The following ANKS1B variants were observed in gnomAD, a reference collection of about 807,000 sequenced individuals.
ANKS1B encodes the protein ankyrin repeat and sterile alpha motif domain containing 1B.
A neutral mutation model predicts 148.3 loss-of-function variants in ANKS1B; 36 were observed. That is an observed-to-expected ratio of 0.24 (90% CI 0.19 to 0.32). The LOEUF (loss-of-function observed/expected upper bound fraction) is 0.32. Ranked by LOEUF, ANKS1B falls within the 10% of genes least tolerant of loss-of-function variation. The probability of loss-of-function intolerance (pLI) is 1.00; values close to 1 mark genes in which losing one functional copy is unlikely to be tolerated. For synonymous variants in ANKS1B, 542 were observed against 560.8 expected (o/e 0.97, Z 0.47); for missense variants, 1,157 against 1,542.6 (o/e 0.75, Z 4.19).
chr12:99,864,119 C>T (rs1404174107), intron 1 of ANKS1B, among the ~76,000 whole-genome samples: 2 of 149,670 alleles, frequency 1.3e-5, no homozygotes, highest in Admixed American at 6.7e-5. Context: ...CCCTCTTTTC[C>T]AATTTTGTTA....
chr12:99,911,379 G>A (rs1282642099), intron 1 of ANKS1B, among the ~76,000 whole-genome samples: 1 of 152,110 alleles, frequency 6.6e-6, no homozygotes, highest in African/African-American at 2.4e-5. Flanking sequence ...TACAAACATG[G>A]AAATTGGAAT....
chr12:99,263,555 GA>G (rs2153983825), intron 12 of ANKS1B, among the ~76,000 whole-genome samples: 1 of 152,192 alleles, frequency 6.6e-6, no homozygotes, highest in Admixed American at 6.5e-5. Flanking sequence ...TTACTTCAAA[GA>G]GATAGGTTGT....
At chr12:99,193,793 C>CTTTTTTTTTTTTTTTTT (rs34024548) in intron 14 of ANKS1B, among the ~76,000 whole-genome samples, 5 of 66,840 alleles carry the variant, frequency 7.5e-5, no homozygotes, top group Middle Eastern at 0.017. Flanking sequence ...ATTTCTAGTT[C>CTTTTTTTTTTTTTTTTT]TTTTTTTTTT....
chr12:98,813,251 A>C (rs2099112204), intron 19 of ANKS1B, among the ~76,000 whole-genome samples: 1 of 149,916 alleles, frequency 6.7e-6, no homozygotes, highest in Non-Finnish European at 1.5e-5. Flanking sequence ...TCATTCTGTC[A>C]CCCAGGCTGG....
intron 9 of ANKS1B, among the ~76,000 whole-genome samples, chr12:99,512,689 G>A (rs2096778493): frequency 6.6e-6 from 1 of 152,036 alleles, no homozygotes; most frequent in African/African-American, 2.4e-5. Flanking sequence ...AAGAAAATGT[G>A]GTACATATAC....
chr12:99,001,527 G>A (rs1307086213), intron 17 of ANKS1B, among the ~76,000 whole-genome samples: 3 of 152,030 alleles, frequency 2.0e-5, no homozygotes, highest in South Asian at 4.2e-4. Flanking sequence ...CAGCTTTTTT[G>A]AGGTATAATT....
chr12:99,301,316 G>A (rs1401600730), intron 12 of ANKS1B, among the ~76,000 whole-genome samples: 1 of 152,054 alleles, frequency 6.6e-6, no homozygotes, highest in Non-Finnish European at 1.5e-5. Context: ...AGCTCTCTGG[G>A]ATCTCTTGGC....
At chr12:99,120,801 C>T (rs906371430) in intron 15 of ANKS1B, among the ~76,000 whole-genome samples, 5 of 151,924 alleles carry the variant, frequency 3.3e-5, no homozygotes, top group Non-Finnish European at 5.9e-5. Flanking sequence ...GGGGCATCCA[C>T]GTGGAAAAAC....
intron 17 of ANKS1B, among the ~76,000 whole-genome samples, chr12:99,004,369 C>G (rs778212095): frequency 1.3e-5 from 2 of 152,122 alleles, no homozygotes; most frequent in Non-Finnish European, 2.9e-5. Flanking sequence ...ATATCGTCCT[C>G]ATAGGGTTGT....
intron 12 of ANKS1B, chr12:99,344,745 T>A (rs937233068): frequency 1.3e-5 from 2 of 152,026 alleles, no homozygotes; most frequent in African/African-American, 4.8e-5. Flanking sequence ...ATCAGTCACA[T>A]TTTTTGTATT....
chr12:99,426,921 C>T (rs1039740489), intron 11 of ANKS1B, among the ~76,000 whole-genome samples: 1 of 152,118 alleles, frequency 6.6e-6, no homozygotes, highest in African/African-American at 2.4e-5. Flanking sequence ...TAAATGGCAT[C>T]GTGATTTTTC....
At chr12:99,334,809 G>A (rs185263013) in intron 12 of ANKS1B, among the ~76,000 whole-genome samples, 30 of 152,172 alleles carry the variant, frequency 2.0e-4, no homozygotes, top group Admixed American at 3.3e-4. Context: ...AAGGCAAGGT[G>A]TCCCAGGAGA....
At chr12:98,955,672 CAG>C (rs1352261394) in intron 17 of ANKS1B, among the ~76,000 whole-genome samples, 1 of 152,114 alleles carries the variant, frequency 6.6e-6, no homozygotes, top group African/African-American at 2.4e-5. Context: ...ATATGAGAGA[CAG>C]AGAGGCATCC....
intron 14 of ANKS1B, among the ~76,000 whole-genome samples, chr12:99,185,319 T>A (rs1448148256): frequency 6.6e-6 from 1 of 152,194 alleles, no homozygotes; most frequent in Non-Finnish European, 1.5e-5. Context: ...AATTTAGACA[T>A]TTACTCACAA....
intron 15 of ANKS1B, among the ~76,000 whole-genome samples, chr12:99,144,526 T>G (rs1489878852): frequency 6.6e-6 from 1 of 152,090 alleles, no homozygotes; most frequent in Non-Finnish European, 1.5e-5. Flanking sequence ...CATTATGGAC[T>G]GTGCTTGGCA....
At chr12:99,508,813 G>A (rs566811528) in intron 9 of ANKS1B, among the ~76,000 whole-genome samples, 11 of 151,638 alleles carry the variant, frequency 7.3e-5, no homozygotes, top group Non-Finnish European at 1.3e-4. Flanking sequence ...CTTTCTAATT[G>A]GTTCCATATA....
At chr12:99,386,234 C>T (rs1193332581) in intron 12 of ANKS1B, 15 of 152,164 alleles carry the variant, frequency 9.9e-5, no homozygotes, top group Non-Finnish European at 1.6e-4. Context: ...TACTATAGCA[C>T]AGGGGAACTA....
chr12:99,192,974 T>C (rs1371558431), intron 14 of ANKS1B, among the ~76,000 whole-genome samples: 5 of 152,182 alleles, frequency 3.3e-5, no homozygotes, highest in Non-Finnish European at 1.5e-5. Context: ...ATACCAAAGT[T>C]ACTGAAGAAG....
intron 9 of ANKS1B, among the ~76,000 whole-genome samples, chr12:99,627,683 G>T (rs2098123125): frequency 6.6e-6 from 1 of 152,118 alleles, no homozygotes. Flanking sequence ...AGCAGAGTGT[G>T]CTGGAGATCA....
Sources: allele counts gnomAD v4.1 joint callset (sites outside exome capture counted in the v4.1 genomes callset), GRCh38; gene constraint gnomAD v4.1.1; transcripts MANE v1.5; gene names NCBI Gene and HGNC (gene_info 2026-07-23, HGNC 2026-07-21).